The following FREM2 variants were observed in gnomAD, a reference collection of about 807,000 sequenced individuals.
FREM2 encodes the protein FRAS1-related extracellular matrix protein 2.
Under a neutral mutation model 219.9 loss-of-function variants are expected in FREM2, and 119 were observed. The observed-to-expected ratio is 0.54, with a 90% CI of 0.47 to 0.63. The LOEUF (loss-of-function observed/expected upper bound fraction) is 0.63. Among genes scored for constraint, FREM2 ranks in the 30% least tolerant of loss-of-function variants. The pLI is 0.00. For missense variants in FREM2, 4,030 were observed against 3,993.6 expected, an observed-to-expected ratio of 1.01 and a Z score of -0.25; for synonymous variants, 1,562 against 1,522.8, an observed-to-expected ratio of 1.03 and a Z score of -0.60.
At chr13:38,706,977 T>A (rs540218243) in intron 2 of FREM2, among the ~76,000 whole-genome samples, 57 of 152,330 alleles carry the variant, frequency 3.7e-4, no homozygotes, top group African/African-American at 1.3e-3. Context: ...CAAATGTGGA[T>A]TGATTTCATA....
Position 38,877,119 on chromosome 13 carries a change from C to T in FREM2, c.8547C>T (p.Val2849=), listed in dbSNP as rs759922658. 1.1e-5 allele frequency: 17 copies of T among 1,613,964 alleles called. 1 individual carries two copies. The South Asian group carries it at 1.9e-4, about 18-fold the overall frequency. Residue 2849 remains valine, a splice_region_variant and synonymous_variant, in exon 21 of 24, where the codon GTC becomes GTT. Coordinates refer to ENST00000280481, the MANE Select transcript of FREM2 (RefSeq NM_207361.6). ...TFDLDIRFQQ[V]SDPVAAEFSL... is the part of the protein sequence containing the mutation. ...AGAACTTTTACCTTTGGTTTTAGGT[C>T]AGTGATCCAGTGGCTGCTGAGTTTA...
In FREM2 at chr13:38,859,445, T is replaced by G; in HGVS notation, c.7374T>G (p.Phe2458Leu). The change falls in exon 14 of 24, where the codon TTT (phenylalanine) becomes TTG (leucine). Residue 2458 changes from phenylalanine to leucine, a missense_variant. Transcript: ENST00000280481. Reference sequence around the variant, plus strand: ...TGAGAGAAGTGGACTTCGACACCTTTTTTACGTCATCCAAGATGGTCACAC... The same window carrying G: ...TGAGAGAAGTGGACTTCGACACCTTGTTTACGTCATCCAAGATGGTCACAC... ...SPMREVDFDT[F>L]FTSSKMVTLD... 1 of 1,614,140 alleles carries G rather than the reference T, an allele frequency of 6.2e-7. No homozygotes were observed. Among genetic ancestry groups the G allele is most frequent in the Non-Finnish European group, 8.5e-7 (1 of 1,180,028 alleles).
chr13:38,820,235 G>C lies in FREM2; in HGVS notation c.6020-26338G>C, dbSNP rs115255176. Reference sequence around the variant, plus strand: ...GGTGAAAATGGTTGCCTTTCTGAAAGATTGCATTTTGGCTCTCTTGTCAAG... The same window carrying C: ...GGTGAAAATGGTTGCCTTTCTGAAACATTGCATTTTGGCTCTCTTGTCAAG... On this transcript the variant is annotated intron_variant, in intron 6 of 23. Transcript: ENST00000280481. Among the ~76,000 whole-genome samples, 1,006 of 152,212 alleles carry C rather than the reference G, an allele frequency of 6.6e-3. 8 individuals carry two copies. Among genetic ancestry groups the C allele is most frequent in the African/African-American group, 0.023 (947 of 41,554 alleles).
At chr13:38,856,633 A>G (rs1877570387) in intron 12 of FREM2, among the ~76,000 whole-genome samples, 2 of 151,918 alleles carry the variant, frequency 1.3e-5, no homozygotes, top group African/African-American at 4.8e-5. Context: ...CTCATAAAAC[A>G]TATTCGAACC....
rs997372083 is a variant in FREM2, at chr13:38,799,224, T to G, written c.6019+14416T>G. Among the ~76,000 whole-genome samples, 30 of 152,106 alleles carry G rather than the reference T, an allele frequency of 2.0e-4. 1 individual carries two copies. The highest frequency in any genetic ancestry group is 1.8e-3 in the Admixed American group (27 of 15,270). On this transcript the variant is annotated intron_variant, in intron 6 of 23. Coordinates refer to ENST00000280481, the MANE Select transcript of FREM2 (RefSeq NM_207361.6). ...TTCTATCTAAATTTTTTCCTTGCAATAGTCATTCAGAAGCATGTTGTTTAA... is the reference window on the plus strand; with the variant it reads ...TTCTATCTAAATTTTTTCCTTGCAAGAGTCATTCAGAAGCATGTTGTTTAA...
intron 2 of FREM2, among the ~76,000 whole-genome samples, chr13:38,720,209 G>A (rs1226745162): frequency 6.6e-6 from 1 of 152,118 alleles, no homozygotes; most frequent in African/African-American, 2.4e-5. Context: ...AAACAGTACT[G>A]TGACTTTCCT....
At chr13:38,727,278 G>A (rs947258461) in intron 2 of FREM2, among the ~76,000 whole-genome samples, 9 of 152,106 alleles carry the variant, frequency 5.9e-5, no homozygotes, top group African/African-American at 2.2e-4. Context: ...TATTTTAAAT[G>A]CTATAAAAAT....
chr13:38,777,387 T>C (rs1201021750), intron 4 of FREM2, among the ~76,000 whole-genome samples: 2 of 152,164 alleles, frequency 1.3e-5, no homozygotes, highest in African/African-American at 2.4e-5. Context: ...AGTTTTCTCT[T>C]AGGCAGTAAT....
chr13:38,863,376 A>G (rs767005034), intron 15 of FREM2, among the ~76,000 whole-genome samples: 2 of 152,190 alleles, frequency 1.3e-5, no homozygotes, highest in African/African-American at 2.4e-5. Context: ...GATCCAGGAC[A>G]TCTTAGAAAT....
intron 2 of FREM2, among the ~76,000 whole-genome samples, chr13:38,706,552 T>TC (rs150155220): frequency 0.19 from 28,615 of 152,068 alleles, 3,340 homozygotes; most frequent in Admixed American, 0.26. Flanking sequence ...GTTGTGTGTA[T>TC]GTAGATACTC....
rs1360569695 is a variant in FREM2 at position 38,687,612 on chromosome 13, G to C, written c.268G>C (p.Asp90His). 3 of 1,609,476 alleles carry C rather than the reference G, an allele frequency of 1.9e-6. No homozygotes were observed. Among genetic ancestry groups the C allele is most frequent in the Non-Finnish European group, 2.5e-6 (3 of 1,178,190 alleles). ...GCCTTTCGGCCGTGAAGTCTGGCTG[G>C]ATCCCCTGCATGACCTGGTGTTGCA... ...RVPFGREVWL[D>H]PLHDLVLQVQ... The change falls in exon 1 of 24, where the codon GAT (aspartate) becomes CAT (histidine). Residue 90 changes from aspartate (D) to histidine (H), a missense_variant. By Grantham distance (81) the Asp-to-His change is moderately conservative. Transcript: ENST00000280481.
chr13:38,779,988 C>T (rs1874052101), intron 4 of FREM2, among the ~76,000 whole-genome samples: 1 of 152,186 alleles, frequency 6.6e-6, no homozygotes, highest in African/African-American at 2.4e-5. Flanking sequence ...CTAAGTGCCC[C>T]ATGGTGAATC....
At position 38,864,309 on chromosome 13, in the gene FREM2, CA is replaced by C; in HGVS notation, c.7688del (p.Asn2563ThrfsTer27). The C allele has an allele frequency of 6.2e-7, 1 of 1,614,146 alleles. No homozygotes were observed. The highest frequency in any genetic ancestry group is 8.5e-7 in the Non-Finnish European group (1 of 1,179,996). On this transcript the variant is annotated frameshift_variant, in exon 16 of 24. Transcript: ENST00000280481. LOFTEE classifies it high-confidence loss of function. ...LPVISTRELS[N>X]FELTLSPDGT... The stretch of plus-strand genomic sequence containing the variant: ...CCGTGATCTCCACTAGAGAGCTTTC[CA>C]ACTTTGAGCTCACCCTCAGCCCTGA...
At chr13:38,873,342 T>C (rs1878230562) in intron 17 of FREM2, among the ~76,000 whole-genome samples, 1 of 152,202 alleles carries the variant, frequency 6.6e-6, no homozygotes, top group African/African-American at 2.4e-5. Context: ...TGCATTTAAA[T>C]TAAATACAAA....
At chr13:38,773,453 C>G (rs1273917144) in intron 4 of FREM2, among the ~76,000 whole-genome samples, 3 of 152,094 alleles carry the variant, frequency 2.0e-5, no homozygotes, top group Non-Finnish European at 2.9e-5. Context: ...CGCAGTGGAG[C>G]TATCATAGCT....
At chr13:38,722,180 A>G (rs977731548) in intron 2 of FREM2, among the ~76,000 whole-genome samples, 4 of 151,832 alleles carry the variant, frequency 2.6e-5, no homozygotes, top group African/African-American at 9.7e-5. Context: ...AACTTTTTCA[A>G]TTATTTATAG....
At chr13:38,706,640 A>G (rs1379966456) in intron 2 of FREM2, among the ~76,000 whole-genome samples, 2 of 152,216 alleles carry the variant, frequency 1.3e-5, no homozygotes, top group Non-Finnish European at 2.9e-5. Context: ...ATTTTATTTT[A>G]TGAAAATATA....
chr13:38,815,173 T>A (rs1875715445), intron 6 of FREM2, among the ~76,000 whole-genome samples: 1 of 152,222 alleles, frequency 6.6e-6, no homozygotes, highest in Non-Finnish European at 1.5e-5. Context: ...TATAGCCTTC[T>A]ATTCCACAAT....
intron 2 of FREM2, among the ~76,000 whole-genome samples, chr13:38,763,477 T>TTTTTTTTTTTTTA (rs61540446): frequency 6.7e-6 from 1 of 150,060 alleles, no homozygotes; most frequent in Non-Finnish European, 1.5e-5. Flanking sequence ...TTTTTTTTTT[T>TTTTTTTTTTTTTA]ACACCCTCTT....
Sources: allele counts gnomAD v4.1 joint callset (sites outside exome capture counted in the v4.1 genomes callset), GRCh38; gene constraint gnomAD v4.1.1; transcripts MANE v1.5; gene names NCBI Gene and HGNC (gene_info 2026-07-23, HGNC 2026-07-21).